CNTN5: variants seen among roughly 807,000 people sequenced by gnomAD.
CNTN5 encodes the protein contactin 5, also known as contactin-5.
A neutral mutation model predicts 129.1 loss-of-function variants in CNTN5; 77 were observed. The ratio of observed to expected loss-of-function variants is 0.60; its 90% CI spans 0.50 to 0.72. The LOEUF (loss-of-function observed/expected upper bound fraction) is 0.72, where lower values mean the gene tolerates loss of function less well. Among genes scored for constraint, CNTN5 ranks in the 30% least tolerant of loss-of-function variants. The probability of loss-of-function intolerance (pLI) is 0.00; values close to 1 mark genes in which losing one functional copy is unlikely to be tolerated. For synonymous variants in CNTN5, 509 were observed against 465.6 expected, an observed-to-expected ratio of 1.09 and a Z score of -1.20; for missense variants, 1,478 against 1,328.8, an observed-to-expected ratio of 1.11 and a Z score of -1.75.
intron 13 of CNTN5, among the ~76,000 whole-genome samples, chr11:100,084,310 G>A (rs976370047): frequency 3.9e-5 from 6 of 152,032 alleles, no homozygotes; most frequent in African/African-American, 9.7e-5. Flanking sequence ...AAGCATCTAA[G>A]TATATGCTCC....
At position 99,631,873 on chromosome 11, in the gene CNTN5, A is replaced by C. The variant is rs182721603; in HGVS notation, c.55+75604A>C. Among the ~76,000 whole-genome samples the C allele has an allele frequency of 1.5e-3, 222 of 152,288 alleles. 2 individuals carry two copies. Among genetic ancestry groups the C allele is most frequent in the Non-Finnish European group, 7.5e-4 (51 of 68,008 alleles). ...TGTGGTCTGAAAATAGGTGAATACA[A>C]TACAAGTAGGTATTTTGAGAGACAG... On this transcript the variant is annotated intron_variant, in intron 3 of 24. Coordinates refer to ENST00000524871, the MANE Select transcript of CNTN5 (RefSeq NM_014361.4).
intron 3 of CNTN5, among the ~76,000 whole-genome samples, chr11:99,559,228 G>T (rs1472889168): frequency 6.6e-6 from 1 of 152,128 alleles, no homozygotes; most frequent in African/African-American, 2.4e-5. Flanking sequence ...CCATTAAGCT[G>T]TGGATCACGA....
intron 9 of CNTN5, among the ~76,000 whole-genome samples, chr11:100,034,224 T>C (rs1941865798): frequency 1.3e-5 from 2 of 152,222 alleles, no homozygotes; most frequent in African/African-American, 4.8e-5. Flanking sequence ...AGACTTGTTA[T>C]AAAAATTAAT....
rs563429605 is a variant in CNTN5, at chr11:99,027,263, T to C, written c.-210+5993T>C. The stretch of plus-strand genomic sequence containing the variant: ...ATTTTTCCCAGACTGGCAGGTTTTC[T>C]TTTTTTCCTAGTAATAAATGTTTAA... On this transcript the variant is annotated intron_variant, in intron 1 of 24. Coordinates refer to ENST00000524871, the MANE Select transcript of CNTN5 (RefSeq NM_014361.4). Among the ~76,000 whole-genome samples, 9 of 151,716 alleles carry C rather than the reference T, an allele frequency of 5.9e-5. No individual in the cohort carries two copies. In the South Asian group the frequency reaches 1.7e-3, roughly 28 times the overall value.
At chr11:99,582,918 G>T (rs1448719567) in intron 3 of CNTN5, among the ~76,000 whole-genome samples, 1 of 152,098 alleles carries the variant, frequency 6.6e-6, no homozygotes, top group Non-Finnish European at 1.5e-5. Flanking sequence ...TAGAGTTTCT[G>T]GTTTTTCTGC....
chr11:99,910,307 A>G lies in CNTN5; in HGVS notation c.578-5747A>G, dbSNP rs568620876. The stretch of plus-strand genomic sequence containing the variant: ...TTTTCTATGGCTTTTCTGTCAAGGT[A>G]CCATTCAACACTCACATTTTTATTT... On this transcript the variant is annotated intron_variant, in intron 6 of 24. Coordinates refer to ENST00000524871, the MANE Select transcript of CNTN5 (RefSeq NM_014361.4). Among the ~76,000 whole-genome samples, 10 of 152,208 alleles carry G rather than the reference A, an allele frequency of 6.6e-5. No individual in the cohort carries two copies. The South Asian group carries it at 2.1e-3, about 32-fold the overall frequency.
rs573650890 is a variant in CNTN5 at position 100,037,227 on chromosome 11, A to G, written c.981-23985A>G. ...CTTTTCTGCATCTATTGAGATAATC[A>G]TGTGGTTTTTGTCTTTGGTTCTGTT... On this transcript the variant is annotated intron_variant, in intron 9 of 24. Transcript: ENST00000524871. Among the ~76,000 whole-genome samples the G allele has an allele frequency of 8.7e-4, 127 of 145,336 alleles. 1 individual carries two copies. Among genetic ancestry groups the G allele is most frequent in the African/African-American group, 2.7e-3 (104 of 38,186 alleles).
intron 13 of CNTN5, among the ~76,000 whole-genome samples, chr11:100,118,030 TG>T (rs1318532122): frequency 6.6e-6 from 1 of 151,564 alleles, no homozygotes; most frequent in African/African-American, 2.4e-5. Flanking sequence ...ACCTCGCAGT[TG>T]TTTTTTTTTT....
intron 3 of CNTN5, among the ~76,000 whole-genome samples, chr11:99,652,826 A>G (rs1414596385): frequency 6.6e-6 from 1 of 152,054 alleles, no homozygotes; most frequent in Non-Finnish European, 1.5e-5. Context: ...TATGTGCAGC[A>G]AAGTAGTACC....
At chr11:99,599,666 G>A (rs1415027592) in intron 3 of CNTN5, among the ~76,000 whole-genome samples, 2 of 151,982 alleles carry the variant, frequency 1.3e-5, no homozygotes, top group Non-Finnish European at 2.9e-5. Context: ...TTCACATCCA[G>A]ACCAAATTCT....
intron 1 of CNTN5, among the ~76,000 whole-genome samples, chr11:99,140,783 G>A (rs1244210131): frequency 6.6e-6 from 1 of 152,036 alleles, no homozygotes; most frequent in Non-Finnish European, 1.5e-5. Context: ...TTGTTTATGG[G>A]ATGAATCACA....
intron 2 of CNTN5, among the ~76,000 whole-genome samples, chr11:99,427,129 A>C (rs1028572866): frequency 6.6e-6 from 1 of 152,214 alleles, no homozygotes; most frequent in Non-Finnish European, 1.5e-5. Context: ...CATAACCTGC[A>C]AGTCAAAACT....
At chr11:99,205,813 T>C (rs577974498) in intron 1 of CNTN5, among the ~76,000 whole-genome samples, 1 of 150,298 alleles carries the variant, frequency 6.7e-6, no homozygotes, top group Admixed American at 6.6e-5. Context: ...TTCTCAATTG[T>C]ACATCAATAA....
chr11:99,858,059 C>T (rs1240960753), intron 6 of CNTN5, among the ~76,000 whole-genome samples: 1 of 151,994 alleles, frequency 6.6e-6, no homozygotes. Flanking sequence ...AAAAAAGTTA[C>T]CTCTTTCAGT....
intron 6 of CNTN5, among the ~76,000 whole-genome samples, chr11:99,868,030 C>T (rs1948401267): frequency 6.6e-6 from 1 of 152,096 alleles, no homozygotes; most frequent in Admixed American, 6.6e-5. Flanking sequence ...GCCTGACCAA[C>T]ATGGAGAAAC....
chr11:99,845,364 A>ATATTTTTTTTTTTTTTTTTTT (rs1947653236), intron 6 of CNTN5, 102 bp downstream of exon 6: 1 of 239,348 alleles, frequency 4.2e-6, no homozygotes, highest in South Asian at 1.4e-4. Flanking sequence ...AAGATCTCAA[A>ATATTTTTTTTTTTTTTTTTTT]TCTTTTTTTT....
chr11:100,158,369 T>TAACA (rs958793413), intron 13 of CNTN5, among the ~76,000 whole-genome samples: 7 of 151,910 alleles, frequency 4.6e-5, no homozygotes, highest in African/African-American at 1.2e-4. Context: ...TGACATTTAC[T>TAACA]AACACAGTAT....
At chr11:99,485,243 TAA>T (rs11323677) in intron 2 of CNTN5, among the ~76,000 whole-genome samples, 6 of 150,548 alleles carry the variant, frequency 4.0e-5, no homozygotes, top group East Asian at 2.0e-4. Flanking sequence ...CAAAATTGTT[TAA>T]AAAAAAAAGG....
At chr11:99,024,652 T>C (rs947609061) in intron 1 of CNTN5, among the ~76,000 whole-genome samples, 30 of 152,008 alleles carry the variant, frequency 2.0e-4, no homozygotes, top group African/African-American at 6.8e-4. Flanking sequence ...CATTATACCC[T>C]CCTCAAACAT....
Sources: allele counts gnomAD v4.1 joint callset (sites outside exome capture counted in the v4.1 genomes callset), GRCh38; gene constraint gnomAD v4.1.1; transcripts MANE v1.5; gene names NCBI Gene and HGNC (gene_info 2026-07-23, HGNC 2026-07-21).